The following HMGXB4 variants were observed in gnomAD, a reference collection of about 807,000 sequenced individuals.
The protein encoded by HMGXB4 is HMG domain-containing protein 4.
A neutral mutation model predicts 63.9 loss-of-function variants in HMGXB4; 27 were observed. That is an observed-to-expected ratio of 0.42 (90% CI 0.31 to 0.58). The LOEUF (loss-of-function observed/expected upper bound fraction) is 0.58, where lower values mean the gene tolerates loss of function less well. Ranked by LOEUF, HMGXB4 falls within the 20% of genes least tolerant of loss-of-function variation. The probability of loss-of-function intolerance (pLI) is 0.13; values close to 1 mark genes in which losing one functional copy is unlikely to be tolerated. For synonymous variants in HMGXB4, 264 were observed against 265.3 expected (o/e 0.99, Z 0.05); for missense variants, 624 against 700.7 (o/e 0.89, Z 1.24).
intron 5 of HMGXB4, among the ~76,000 whole-genome samples, chr22:35,268,805 A>G (rs1234478626): frequency 6.6e-6 from 1 of 152,242 alleles, no homozygotes; most frequent in Non-Finnish European, 1.5e-5. Flanking sequence ...CTGTATGGAA[A>G]TCAGACTTGT....
upstream of HMGXB4, among the ~76,000 whole-genome samples, chr22:35,256,543 A>G (rs1922413657): frequency 6.6e-6 from 1 of 152,172 alleles, no homozygotes; most frequent in Non-Finnish European, 1.5e-5. Context: ...TCTGTCCCCC[A>G]GGCTGGAGTG....
chr22:35,278,666 T>A (rs1263944401), intron 5 of HMGXB4, among the ~76,000 whole-genome samples: 1 of 151,192 alleles, frequency 6.6e-6, no homozygotes, highest in African/African-American at 2.4e-5. Flanking sequence ...TATTTTTTTT[T>A]AAGATGGGGT....
the HMGXB4 span, among the ~76,000 whole-genome samples, chr22:35,252,300 TG>T: frequency 6.6e-6 from 1 of 152,224 alleles, no homozygotes; most frequent in South Asian, 2.1e-4. Context: ...TGCTAACTGT[TG>T]TATAGCTGGT....
the HMGXB4 span, among the ~76,000 whole-genome samples, chr22:35,248,542 C>T: frequency 2.6e-5 from 4 of 151,654 alleles, no homozygotes; most frequent in African/African-American, 9.7e-5. Flanking sequence ...GTAGCTGGGA[C>T]TACAGGCGCT....
the HMGXB4 span, among the ~76,000 whole-genome samples, chr22:35,251,235 C>T: frequency 1.3e-5 from 2 of 152,040 alleles, no homozygotes; most frequent in Middle Eastern, 3.2e-3. Context: ...CCACCACATC[C>T]GGCTAATTTT....
chr22:35,266,464 G>A (rs1027291322), intron 5 of HMGXB4, among the ~76,000 whole-genome samples: 1 of 152,200 alleles, frequency 6.6e-6, no homozygotes, highest in African/African-American at 2.4e-5. Flanking sequence ...AACACAAGCA[G>A]GACATAGTTG....
chr22:35,287,601 G>A (rs1924673342), intron 8 of HMGXB4, 149 bp downstream of exon 8: 1 of 639,668 alleles, frequency 1.6e-6, no homozygotes, highest in African/African-American at 1.8e-5. Flanking sequence ...ACCAAAAAGA[G>A]ATGTTCAAAT....
intron 5 of HMGXB4, among the ~76,000 whole-genome samples, chr22:35,282,367 G>C (rs186165743): frequency 7.9e-5 from 12 of 152,142 alleles, no homozygotes; most frequent in African/African-American, 1.2e-4. Flanking sequence ...TAGTAGAGAC[G>C]GGGTTTCACC....
At position 35,265,144 on chromosome 22, in the gene HMGXB4, C is replaced by T. The variant is rs1309256151; in HGVS notation, c.756C>T (p.His252=). The change falls in exon 5 of 11, where the codon CAC becomes CAT. Residue 252 remains histidine (H), a synonymous_variant. Transcript: ENST00000216106. ...QSFLKTARKK[H]KSSSDAHSSP... Reference sequence around the variant, plus strand: ...TTCTGAAAACAGCCCGGAAAAAGCACAAGTCATCCTCAGACGCACATTCAT... The same window carrying T: ...TTCTGAAAACAGCCCGGAAAAAGCATAAGTCATCCTCAGACGCACATTCAT... 1 of 1,613,980 alleles carries T rather than the reference C, an allele frequency of 6.2e-7. No homozygotes were observed. Among genetic ancestry groups the T allele is most frequent in the African/African-American group, 1.3e-5 (1 of 74,884 alleles).
intron 5 of HMGXB4, among the ~76,000 whole-genome samples, chr22:35,282,218 C>T (rs1924289380): frequency 6.6e-6 from 1 of 152,136 alleles, no homozygotes; most frequent in Non-Finnish European, 1.5e-5. Flanking sequence ...GCTCTGTCGC[C>T]CAGGCTGGAG....
chr22:35,254,735 T>C (rs1416588809), upstream of HMGXB4, among the ~76,000 whole-genome samples: 1 of 152,252 alleles, frequency 6.6e-6, no homozygotes, highest in African/African-American at 2.4e-5. Context: ...TGCTGTGTTT[T>C]CAATAAATAT....
intron 7 of HMGXB4, among the ~76,000 whole-genome samples, chr22:35,286,619 G>A (rs1030458541): frequency 1.3e-5 from 2 of 152,170 alleles, no homozygotes; most frequent in East Asian, 1.9e-4. Flanking sequence ...GGAGGCTGAG[G>A]CGGTGGATCA....
intron 8 of HMGXB4, 120 bp downstream of exon 8, chr22:35,287,572 C>T: frequency 1.5e-6 from 1 of 674,564 alleles, no homozygotes; most frequent in South Asian, 1.7e-5. Context: ...GGTATTATTA[C>T]CTGGGAATGT....
chr22:35,261,753 T>G (rs1339378531), intron 1 of HMGXB4: 1 of 152,238 alleles, frequency 6.6e-6, no homozygotes, highest in Non-Finnish European at 1.5e-5. Flanking sequence ...TTACATAAAT[T>G]TGAACAAATT....
chr22:35,270,060 T>C (rs746113141), intron 5 of HMGXB4, among the ~76,000 whole-genome samples: 13 of 151,528 alleles, frequency 8.6e-5, no homozygotes, highest in Non-Finnish European at 1.8e-4. Flanking sequence ...GAAGGAAAAA[T>C]TGACAAGATC....
intron 2 of HMGXB4, chr22:35,262,694 G>T (rs1474461805): frequency 5.6e-6 from 3 of 531,050 alleles, no homozygotes; most frequent in Non-Finnish European, 1.0e-5. Context: ...GCCAGCTCCA[G>T]TGTGCAGGAG....
At chr22:35,245,279 C>G in the HMGXB4 span, among the ~76,000 whole-genome samples, 1 of 148,304 alleles carries the variant, frequency 6.7e-6, no homozygotes, top group Non-Finnish European at 1.5e-5. Flanking sequence ...TTTTTGTTAG[C>G]TCTTCTATAT....
At position 35,295,545 on chromosome 22, in the gene HMGXB4, TTTTG is replaced by T. The variant is rs553093628; in HGVS notation, c.*1902_*1905del. 14 of 152,594 alleles carry T rather than the reference TTTTG, an allele frequency of 9.2e-5. No homozygotes were observed. The highest frequency in any genetic ancestry group is 1.8e-4 in the Non-Finnish European group (12 of 68,036). 9.5% of individuals were successfully genotyped at this position (152,594 alleles called of 1,614,324 possible). ...AATGAAATCCTGATGAGGACCTGCTTTTTGTTTGTTTTCCTTTGAAACCCAGCCC... is the reference window on the plus strand; with the variant it reads ...AATGAAATCCTGATGAGGACCTGCTTTTTGTTTTCCTTTGAAACCCAGCCC... On this transcript the variant is annotated 3_prime_UTR_variant, in exon 11 of 11. Coordinates refer to ENST00000216106, the MANE Select transcript of HMGXB4 (RefSeq NM_001003681.3).
In HMGXB4 at chr22:35,269,943, A is replaced by C. The variant is rs139216553; in HGVS notation, c.1215+4340A>C. Reference sequence around the variant, plus strand: ...CTGTGAGTTGTGATTGTGCCACTGCACTCTAACCTGGTTGACAGAGCAAGA... The same window carrying C: ...CTGTGAGTTGTGATTGTGCCACTGCCCTCTAACCTGGTTGACAGAGCAAGA... On this transcript the variant is annotated intron_variant, in intron 5 of 10. Coordinates refer to ENST00000216106, the MANE Select transcript of HMGXB4 (RefSeq NM_001003681.3). 3.3e-5 allele frequency among the ~76,000 whole-genome samples: 5 copies of C among 152,094 alleles called. No individual in the cohort carries two copies. In the East Asian group the frequency reaches 9.7e-4, roughly 29 times the overall value.
Sources: allele counts gnomAD v4.1 joint callset (sites outside exome capture counted in the v4.1 genomes callset), GRCh38; gene constraint gnomAD v4.1.1; transcripts MANE v1.5; gene names NCBI Gene and HGNC (gene_info 2026-07-23, HGNC 2026-07-21).